The following EDDM3B variants were observed in gnomAD, a reference collection of about 807,000 sequenced individuals.
EDDM3B encodes the protein epididymal protein 3B.
For synonymous variants in EDDM3B, 71 were observed against 59.1 expected, an observed-to-expected ratio of 1.20 and a Z score of -0.92; for missense variants, 189 against 178.3, an observed-to-expected ratio of 1.06 and a Z score of -0.34.
rs147126317 is a variant in EDDM3B at position 20,770,477 on chromosome 14, T to G, written c.327T>G (p.Asn109Lys). ...PLKVLKCHQE[N>K]SKNSYTESRS... Reference sequence around the variant, plus strand: ...AAGTACTCAAGTGTCACCAGGAGAATTCCAAAAATAGCTACACAGAGAGCA... The same window carrying G: ...AAGTACTCAAGTGTCACCAGGAGAAGTCCAAAAATAGCTACACAGAGAGCA... Residue 109 changes from asparagine (N) to lysine (K), a missense_variant, in exon 2 of 2, where the codon AAT becomes AAG. By Grantham distance (94) the Asn-to-Lys change is moderately conservative. Coordinates refer to ENST00000326783, the MANE Select transcript of EDDM3B (RefSeq NM_022360.5). 8.7e-6 allele frequency: 14 copies of G among 1,614,052 alleles called. No homozygotes were observed. In the African/African-American group the frequency reaches 1.7e-4, roughly 20 times the overall value.
chr14:20,769,711 C>T (rs1878278493), intron 1 of EDDM3B, among the ~76,000 whole-genome samples: 1 of 152,194 alleles, frequency 6.6e-6, no homozygotes, highest in South Asian at 2.1e-4. Flanking sequence ...AGTAGTTACT[C>T]ATTTTCTACA....
intron 1 of EDDM3B, among the ~76,000 whole-genome samples, chr14:20,769,199 A>T (rs1302629529): frequency 6.6e-6 from 1 of 152,160 alleles, no homozygotes; most frequent in African/African-American, 2.4e-5. Context: ...GGATTTTGAT[A>T]CTAGCCTGGC....
intron 1 of EDDM3B, among the ~76,000 whole-genome samples, chr14:20,768,834 G>A (rs1223265304): frequency 6.6e-6 from 1 of 152,192 alleles, no homozygotes; most frequent in Non-Finnish European, 1.5e-5. Context: ...ATCATTAGAA[G>A]TGCTCTCAAA....
chr14:20,770,194 T>G lies in EDDM3B; in HGVS notation c.44T>G (p.Leu15Arg). ...LKIWGTLLALLCILCTLLVQS... is the reference protein window; with the variant it reads ...LKIWGTLLALRCILCTLLVQS... Reference sequence around the variant, plus strand: ...ATCTGGGGCACACTCTTGGCCCTACTTTGCATCCTATGCACACTGCTTGTA... The same window carrying G: ...ATCTGGGGCACACTCTTGGCCCTACGTTGCATCCTATGCACACTGCTTGTA... Residue 15 changes from leucine to arginine, a missense_variant, in exon 2 of 2, where the codon CTT (leucine) becomes CGT (arginine). Transcript: ENST00000326783. The G allele has an allele frequency of 6.2e-7, 1 of 1,614,148 alleles. No individual in the cohort carries two copies. Among genetic ancestry groups the G allele is most frequent in the Non-Finnish European group, 8.5e-7 (1 of 1,180,004 alleles).
In EDDM3B at chr14:20,770,503, G is replaced by A. The variant is rs749203684; in HGVS notation, c.353G>A (p.Arg118Lys). 6 of 1,614,020 alleles carry A rather than the reference G, an allele frequency of 3.7e-6. No homozygotes were observed. In the African/African-American group the frequency reaches 8.0e-5, roughly 22 times the overall value. ...ENSKNSYTESRSFNYIEFHCS... is the reference protein window; with the variant it reads ...ENSKNSYTESKSFNYIEFHCS... ...TCCAAAAATAGCTACACAGAGAGCA[G>A]GAGCTTCAACTACATTGAATTCCAT... The change falls in exon 2 of 2, where the codon AGG (arginine) becomes AAG (lysine). Residue 118 changes from arginine to lysine, a missense_variant. Arg to Lys is a conservative substitution (Grantham distance 26). Transcript: ENST00000326783.
Position 20,770,534 on chromosome 14 carries a change from C to G in EDDM3B, c.384C>G (p.Ser128Arg). The G allele has an allele frequency of 6.2e-7, 1 of 1,614,086 alleles. No homozygotes were observed. Among genetic ancestry groups the G allele is most frequent in the Non-Finnish European group, 8.5e-7 (1 of 1,180,006 alleles). ...TCAACTACATTGAATTCCATTGTAG[C>G]ATGGACGGGTATGTTGATAGCATAG... Reference protein sequence around the residue: ...RSFNYIEFHCSMDGYVDSIED... With the variant: ...RSFNYIEFHCRMDGYVDSIED... Residue 128 changes from serine (S) to arginine (R), a missense_variant, in exon 2 of 2, where the codon AGC becomes AGG. Ser to Arg is a moderately radical substitution (Grantham distance 110). Coordinates refer to ENST00000326783, the MANE Select transcript of EDDM3B (RefSeq NM_022360.5).
At position 20,768,535 on chromosome 14, in the gene EDDM3B, G is replaced by A. The variant is rs143372590; in HGVS notation, c.-19+29G>A. ...AGAAGGGCTCTGCTGAGGATGTTTG[G>A]GGGACAGCCAGGAGCACTGAAAGGA... On this transcript the variant is annotated intron_variant, in intron 1 of 1. Coordinates refer to ENST00000326783, the MANE Select transcript of EDDM3B (RefSeq NM_022360.5). 2.6e-5 allele frequency: 4 copies of A among 152,370 alleles called. No homozygotes were observed. In the East Asian group the frequency reaches 7.7e-4, roughly 29 times the overall value. The allele number at this position is 152,370 out of a possible 1,614,324, so 9.4% of individuals were successfully genotyped here.
chr14:20,769,833 G>A (rs1594251090), intron 1 of EDDM3B, among the ~76,000 whole-genome samples: 1 of 152,204 alleles, frequency 6.6e-6, no homozygotes, highest in Non-Finnish European at 1.5e-5. Context: ...GGAGCCAGCT[G>A]GAGGGTGATT....
Position 20,770,756 on chromosome 14 carries a change from T to A in EDDM3B, c.*162T>A. On this transcript the variant is annotated 3_prime_UTR_variant, in exon 2 of 2. Transcript: ENST00000326783. ...TAGCATAATTTCTTGATACCATAACTTTGCCTGTGTTGTTTCTCTGCCTGG... is the reference window on the plus strand; with the variant it reads ...TAGCATAATTTCTTGATACCATAACATTGCCTGTGTTGTTTCTCTGCCTGG... 1 of 626,444 alleles carries A rather than the reference T, an allele frequency of 1.6e-6. No homozygotes were observed. The highest frequency in any genetic ancestry group is 2.3e-5 in the South Asian group (1 of 43,346). The allele number at this position is 626,444 out of a possible 1,614,324, so 38.8% of individuals were successfully genotyped here.
chr14:20,768,937 G>C (rs753604432), intron 1 of EDDM3B, among the ~76,000 whole-genome samples: 8 of 152,198 alleles, frequency 5.3e-5, no homozygotes, highest in Non-Finnish European at 1.0e-4. Flanking sequence ...AATCAGGTTA[G>C]AGATTCAGTA....
chr14:20,770,615 G>T lies in EDDM3B; in HGVS notation c.*21G>T. ...ACTAGAAAGTCTATGCACATCCTCA[G>T]GTATTGGTAGAGTATTCAGTGCTTT... On this transcript the variant is annotated 3_prime_UTR_variant, in exon 2 of 2. Transcript: ENST00000326783. The T allele has an allele frequency of 1.3e-6, 2 of 1,584,446 alleles. No individual in the cohort carries two copies. Among genetic ancestry groups the T allele is most frequent in the Non-Finnish European group, 1.7e-6 (2 of 1,163,794 alleles).
chr14:20,768,804 G>A (rs1283400820), intron 1 of EDDM3B, among the ~76,000 whole-genome samples: 1 of 152,154 alleles, frequency 6.6e-6, no homozygotes, highest in African/African-American at 2.4e-5. Flanking sequence ...TTTGTTCTGT[G>A]TCTGATGTGG....
chr14:20,768,659 C>CT (rs1465358049), intron 1 of EDDM3B, among the ~76,000 whole-genome samples, 153 bp downstream of exon 1: 1 of 152,200 alleles, frequency 6.6e-6, no homozygotes, highest in Admixed American at 6.5e-5. Context: ...CTGATACAGG[C>CT]TTTCCCTGCC....
Position 20,770,396 on chromosome 14 carries a change from T to C in EDDM3B, c.246T>C (p.Ser82=), listed in dbSNP as rs748180105. 1.4e-5 allele frequency: 23 copies of C among 1,614,058 alleles called. No homozygotes were observed. The highest frequency in any genetic ancestry group is 4.5e-5 in the East Asian group (2 of 44,900). The part of the protein sequence containing the change: ...SWYKIEHICT[S]DNWMDRFRNA... ...ACAAAATCGAGCATATATGCACTAG[T>C]GACAACTGGATGGATCGCTTCCGAA... is the stretch of plus-strand genomic sequence containing the variant. Residue 82 remains serine, a synonymous_variant, in exon 2 of 2, where the codon AGT becomes AGC. Transcript: ENST00000326783.
chr14:20,769,553 G>A (rs1325734861), intron 1 of EDDM3B, among the ~76,000 whole-genome samples: 1 of 152,196 alleles, frequency 6.6e-6, no homozygotes, highest in Non-Finnish European at 1.5e-5. Flanking sequence ...ATGAACATAC[G>A]TTCCACTCAG....
At position 20,770,766 on chromosome 14, in the gene EDDM3B, T is replaced by C; in HGVS notation, c.*172T>C. Reference sequence around the variant, plus strand: ...TCTTGATACCATAACTTTGCCTGTGTTGTTTCTCTGCCTGGAATACACTTT... The same window carrying C: ...TCTTGATACCATAACTTTGCCTGTGCTGTTTCTCTGCCTGGAATACACTTT... On this transcript the variant is annotated 3_prime_UTR_variant, in exon 2 of 2. Coordinates refer to ENST00000326783, the MANE Select transcript of EDDM3B (RefSeq NM_022360.5). The C allele has an allele frequency of 4.9e-6, 3 of 611,990 alleles. No individual in the cohort carries two copies. Among genetic ancestry groups the C allele is most frequent in the Non-Finnish European group, 5.7e-6 (2 of 349,338 alleles). The allele number at this position is 611,990 out of a possible 1,614,324, so 37.9% of individuals were successfully genotyped here.
Position 20,770,636 on chromosome 14 carries a change from G to A in EDDM3B, c.*42G>A, listed in dbSNP as rs771292964. 4 of 1,522,242 alleles carry A rather than the reference G, an allele frequency of 2.6e-6. No homozygotes were observed. Among genetic ancestry groups the A allele is most frequent in the South Asian group, 2.5e-5 (2 of 79,288 alleles). The allele number at this position is 1,522,242 out of a possible 1,614,324, so 94.3% of individuals were successfully genotyped here. On this transcript the variant is annotated 3_prime_UTR_variant, in exon 2 of 2. Coordinates refer to ENST00000326783, the MANE Select transcript of EDDM3B (RefSeq NM_022360.5). ...CTCAGGTATTGGTAGAGTATTCAGTGCTTTCTAAGTAGCAGCCCCTGCCTC... is the reference window on the plus strand; with the variant it reads ...CTCAGGTATTGGTAGAGTATTCAGTACTTTCTAAGTAGCAGCCCCTGCCTC...
Position 20,770,284 on chromosome 14 carries a change from T to C in EDDM3B, c.134T>C (p.Phe45Ser). 3 of 1,614,156 alleles carry C rather than the reference T, an allele frequency of 1.9e-6. No individual in the cohort carries two copies. The highest frequency in any genetic ancestry group is 2.5e-6 in the Non-Finnish European group (3 of 1,180,020). The change falls in exon 2 of 2, where the codon TTC (phenylalanine) becomes TCC (serine). Residue 45 changes from phenylalanine to serine, a missense_variant. Phe to Ser is a radical substitution (Grantham distance 155, BLOSUM62 -2). Coordinates refer to ENST00000326783, the MANE Select transcript of EDDM3B (RefSeq NM_022360.5). ...KQHYLSPSREFREYKCDVLMR... is the reference protein window; with the variant it reads ...KQHYLSPSRESREYKCDVLMR... ...CACTACTTAAGTCCAAGTCGAGAATTCAGAGAGTACAAATGTGATGTCCTC... is the reference window on the plus strand; with the variant it reads ...CACTACTTAAGTCCAAGTCGAGAATCCAGAGAGTACAAATGTGATGTCCTC...
At chr14:20,768,864 A>T (rs764055) in intron 1 of EDDM3B, among the ~76,000 whole-genome samples, 59,412 of 152,018 alleles carry the variant, frequency 0.39, 11,678 homozygotes, top group East Asian at 0.53. Flanking sequence ...CTCATTAGAC[A>T]CTTGCAGGTC....
Sources: allele counts gnomAD v4.1 joint callset (sites outside exome capture counted in the v4.1 genomes callset), GRCh38; gene constraint gnomAD v4.1.1; transcripts MANE v1.5; gene names NCBI Gene and HGNC (gene_info 2026-07-23, HGNC 2026-07-21).